Variants in ST8SIA2 observed in about 807,000 individuals in gnomAD.
ST8SIA2 encodes the protein ST8 alpha-N-acetyl-neuraminide alpha-2,8-sialyltransferase 2, also known as alpha-2,8-sialyltransferase 8B.
A neutral mutation model predicts 37.6 loss-of-function variants in ST8SIA2; 22 were observed. That is an observed-to-expected ratio of 0.58 (90% CI 0.42 to 0.83). The LOEUF is 0.83. ST8SIA2 is among the 40% of genes least tolerant of loss of function. The pLI is 0.00. For missense variants in ST8SIA2, 382 were observed against 484.7 expected, an observed-to-expected ratio of 0.79 and a Z score of 1.99; for synonymous variants, 205 against 201.2, an observed-to-expected ratio of 1.02 and a Z score of -0.16.
chr15:92,455,167 C>A, intron 5 of ST8SIA2, among the ~76,000 whole-genome samples: 1 of 152,128 alleles, frequency 6.6e-6, no homozygotes. Context: ...CCAGACAGGA[C>A]CATGGCAATC....
At chr15:92,463,052 G>T (rs998937490) in intron 5 of ST8SIA2, among the ~76,000 whole-genome samples, 1 of 152,244 alleles carries the variant, frequency 6.6e-6, no homozygotes, top group African/African-American at 2.4e-5. Flanking sequence ...GAAACATTAG[G>T]TTCAGCAGAG....
intron 3 of ST8SIA2, among the ~76,000 whole-genome samples, chr15:92,437,374 T>A (rs1050770768): frequency 2.0e-5 from 3 of 152,228 alleles, no homozygotes; most frequent in Admixed American, 6.5e-5. Context: ...AAAGCTTTTC[T>A]GGCAAGGCTA....
intron 1 of ST8SIA2, among the ~76,000 whole-genome samples, chr15:92,411,100 T>A (rs969203936): frequency 6.6e-6 from 1 of 152,094 alleles, no homozygotes; most frequent in Non-Finnish European, 1.5e-5. Context: ...GTTTCTTTGG[T>A]TTAACATGGG....
At chr15:92,429,285 G>A (rs756002816) in intron 1 of ST8SIA2, among the ~76,000 whole-genome samples, 2 of 152,134 alleles carry the variant, frequency 1.3e-5, no homozygotes, top group African/African-American at 2.4e-5. Flanking sequence ...GGGGGTACTC[G>A]AGGCACATGT....
In ST8SIA2 at chr15:92,453,876, T is replaced by C. The variant is rs142012764; in HGVS notation, c.842+8947T>C. On this transcript the variant is annotated intron_variant, in intron 5 of 5. Transcript: ENST00000268164. ...GGCTCATAGATTTGCTCTGTGAGGC[T>C]CCAGGTGTAGAACTAGGGTTGGGGG... is the stretch of plus-strand genomic sequence containing the variant. Among the ~76,000 whole-genome samples, 873 of 152,318 alleles carry C rather than the reference T, an allele frequency of 5.7e-3. 8 individuals carry two copies. Among genetic ancestry groups the C allele is most frequent in the African/African-American group, 0.02 (828 of 41,568 alleles).
At chr15:92,462,760 T>C (rs1010202485) in intron 5 of ST8SIA2, among the ~76,000 whole-genome samples, 8 of 152,202 alleles carry the variant, frequency 5.3e-5, no homozygotes, top group Admixed American at 4.6e-4. Flanking sequence ...GTAAGAAATT[T>C]GTGGTAAGGA....
intron 1 of ST8SIA2, among the ~76,000 whole-genome samples, chr15:92,403,571 A>G (rs1169914625): frequency 6.6e-6 from 1 of 152,162 alleles, no homozygotes; most frequent in Non-Finnish European, 1.5e-5. Context: ...GAGCTTCCCC[A>G]GTTCTAATTT....
chr15:92,447,464 A>G (rs1050403062), intron 5 of ST8SIA2, among the ~76,000 whole-genome samples: 1 of 152,070 alleles, frequency 6.6e-6, no homozygotes, highest in Non-Finnish European at 1.5e-5. Flanking sequence ...CCTATACCCA[A>G]TTGCCCATCC....
intron 2 of ST8SIA2, among the ~76,000 whole-genome samples, chr15:92,433,206 T>A (rs1160774332): frequency 2.0e-5 from 3 of 152,182 alleles, no homozygotes; most frequent in Non-Finnish European, 4.4e-5. Flanking sequence ...CTTTTTTAAC[T>A]TGGCTGTTTC....
intron 5 of ST8SIA2, among the ~76,000 whole-genome samples, chr15:92,459,768 T>A (rs1237420968): frequency 1.3e-5 from 2 of 152,224 alleles, no homozygotes; most frequent in Non-Finnish European, 2.9e-5. Flanking sequence ...CCAACTAATT[T>A]TTGTATTTTT....
At chr15:92,434,223 T>G (rs1201559255) in intron 2 of ST8SIA2, 24 bp from the exon 3 acceptor site, 1 of 1,613,534 alleles carries the variant, frequency 6.2e-7, no homozygotes, top group East Asian at 2.2e-5. Context: ...ATGTCTACCC[T>G]CTTTCTTTTT....
At chr15:92,408,560 G>A (rs1331227090) in intron 1 of ST8SIA2, among the ~76,000 whole-genome samples, 1 of 152,066 alleles carries the variant, frequency 6.6e-6, no homozygotes, top group Non-Finnish European at 1.5e-5. Flanking sequence ...CCCAGTTACT[G>A]ATATTCTAGG....
At chr15:92,398,813 A>T (rs1396515550) in intron 1 of ST8SIA2, among the ~76,000 whole-genome samples, 1 of 152,006 alleles carries the variant, frequency 6.6e-6, no homozygotes, top group African/African-American at 2.4e-5. Flanking sequence ...CCTCTGAGTT[A>T]TTTTTTTTAC....
At chr15:92,453,333 C>T (rs776444659) in intron 5 of ST8SIA2, among the ~76,000 whole-genome samples, 1 of 152,122 alleles carries the variant, frequency 6.6e-6, no homozygotes, top group Non-Finnish European at 1.5e-5. Flanking sequence ...ACTTAAATGA[C>T]AGCATCAGTG....
intron 1 of ST8SIA2, among the ~76,000 whole-genome samples, chr15:92,406,690 T>A (rs1433973319): frequency 2.0e-5 from 3 of 152,004 alleles, no homozygotes; most frequent in African/African-American, 7.2e-5. Context: ...CAAATGGATA[T>A]CAGAAAAATG....
chr15:92,442,373 G>T (rs1007109824), intron 4 of ST8SIA2, among the ~76,000 whole-genome samples: 1 of 152,164 alleles, frequency 6.6e-6, no homozygotes, highest in Non-Finnish European at 1.5e-5. Context: ...CTTCCAGGAG[G>T]TGGCATCCCA....
At position 92,401,876 on chromosome 15, in the gene ST8SIA2, T is replaced by TCTGTG. The variant is rs1477648303; in HGVS notation, c.98+7714_98+7715insCTGTG. 4.0e-5 allele frequency among the ~76,000 whole-genome samples: 6 copies of TCTGTG among 148,832 alleles called. No individual in the cohort carries two copies. The East Asian group carries it at 1.2e-3, about 29-fold the overall frequency. ...CCCTAGGTCAGTGGTTCCCAAATAGTGAGCCACAGAGGAGTGGTGATCTGA... is the reference window on the plus strand; with the variant it reads ...CCCTAGGTCAGTGGTTCCCAAATAGTCTGTGGAGCCACAGAGGAGTGGTGATCTGA... On this transcript the variant is annotated intron_variant, in intron 1 of 5. Coordinates refer to ENST00000268164, the MANE Select transcript of ST8SIA2 (RefSeq NM_006011.4).
intron 1 of ST8SIA2, among the ~76,000 whole-genome samples, chr15:92,428,077 G>T (rs916726442): frequency 3.9e-5 from 6 of 152,198 alleles, no homozygotes; most frequent in African/African-American, 1.4e-4. Context: ...TCGTGATAAT[G>T]TAAGATTATC....
At chr15:92,464,043 A>T in intron 5 of ST8SIA2, 57 bp from the exon 6 acceptor site, 1 of 1,510,676 alleles carries the variant, frequency 6.6e-7, no homozygotes, top group Non-Finnish European at 8.8e-7. Context: ...CTTCCTGGAA[A>T]GGATGACTCA....
Sources: allele counts gnomAD v4.1 joint callset (sites outside exome capture counted in the v4.1 genomes callset), GRCh38; gene constraint gnomAD v4.1.1; transcripts MANE v1.5; gene names NCBI Gene and HGNC (gene_info 2026-07-23, HGNC 2026-07-21).